Variants in MPDZ observed in about 807,000 individuals in gnomAD.
MPDZ encodes multiple PDZ domain protein.
A neutral mutation model predicts 239.1 loss-of-function variants in MPDZ; 234 were observed. The ratio of observed to expected loss-of-function variants is 0.98; its 90% CI spans 0.88 to 1.09. The LOEUF is 1.09. MPDZ is among the 50% of genes least tolerant of loss of function. The pLI, the probability that MPDZ is intolerant of heterozygous loss-of-function variation, is 0.00. For synonymous variants in MPDZ, 1,048 were observed against 881.3 expected, an observed-to-expected ratio of 1.19 and a Z score of -3.35; for missense variants, 3,175 against 2,510.0, an observed-to-expected ratio of 1.26 and a Z score of -5.66.
chr9:13,122,213 C>T, intron 36 of MPDZ, 43 bp from the exon 37 acceptor site: 1 of 1,553,378 alleles, frequency 6.4e-7, no homozygotes, highest in Non-Finnish European at 8.9e-7. Context: ...TCCCATTCTC[C>T]TAGGAATGGT....
intron 1 of MPDZ, among the ~76,000 whole-genome samples, chr9:13,254,106 G>A (rs1436432255): frequency 5.3e-5 from 8 of 152,132 alleles, no homozygotes; most frequent in Non-Finnish European, 1.0e-4. Flanking sequence ...AATAGACCAT[G>A]CTCTACATAA....
intron 3 of MPDZ, among the ~76,000 whole-genome samples, chr9:13,244,138 T>C (rs140348773): frequency 6.6e-6 from 1 of 152,330 alleles, no homozygotes; most frequent in African/African-American, 2.4e-5. Flanking sequence ...AAAAGATTAA[T>C]TTAGTGCCAC....
At chr9:13,231,519 G>A (rs757422405) in intron 3 of MPDZ, among the ~76,000 whole-genome samples, 2 of 151,934 alleles carry the variant, frequency 1.3e-5, no homozygotes, top group Non-Finnish European at 2.9e-5. Flanking sequence ...GTGAGCCACT[G>A]TACTCCAGCC....
At chr9:13,126,862 C>G in intron 32 of MPDZ, 90 bp from the exon 33 acceptor site, 1 of 1,066,398 alleles carries the variant, frequency 9.4e-7, no homozygotes, top group Non-Finnish European at 1.4e-6. Context: ...ACAACTAAAA[C>G]TCTTCTGAAG....
At chr9:13,157,406 G>A (rs1949955107) in intron 24 of MPDZ, among the ~76,000 whole-genome samples, 1 of 152,044 alleles carries the variant, frequency 6.6e-6, no homozygotes, top group South Asian at 2.1e-4. Context: ...AAAATCATTG[G>A]CTTTAAGTCT....
At chr9:13,254,333 T>G (rs1968877867) in intron 1 of MPDZ, among the ~76,000 whole-genome samples, 1 of 152,214 alleles carries the variant, frequency 6.6e-6, no homozygotes, top group African/African-American at 2.4e-5. Flanking sequence ...AAATCACTTT[T>G]AAAATCCAAG....
chr9:13,159,293 T>C (rs1456433359), intron 23 of MPDZ, among the ~76,000 whole-genome samples: 1 of 152,178 alleles, frequency 6.6e-6, no homozygotes, highest in Non-Finnish European at 1.5e-5. Flanking sequence ...CTCTTTGCTA[T>C]AGGTCCTACC....
At chr9:13,247,494 C>A (rs752139521) in intron 3 of MPDZ, 141 bp downstream of exon 3, 2 of 838,978 alleles carry the variant, frequency 2.4e-6, no homozygotes, top group South Asian at 2.9e-5. Context: ...CACAGTGAAT[C>A]TGAATGTCTC....
intron 12 of MPDZ, among the ~76,000 whole-genome samples, chr9:13,201,699 G>T (rs999492024): frequency 1.3e-5 from 2 of 151,524 alleles, no homozygotes; most frequent in Non-Finnish European, 2.9e-5. Flanking sequence ...GATCAAATTT[G>T]CTTCAATCAA....
At chr9:13,233,674 T>C (rs954634720) in intron 3 of MPDZ, among the ~76,000 whole-genome samples, 23 of 152,170 alleles carry the variant, frequency 1.5e-4, no homozygotes, top group African/African-American at 4.3e-4. Flanking sequence ...AAATAAGACA[T>C]ATAATCAAAG....
intron 3 of MPDZ, among the ~76,000 whole-genome samples, chr9:13,226,039 A>C (rs1233031199): frequency 6.6e-6 from 1 of 152,078 alleles, no homozygotes; most frequent in Non-Finnish European, 1.5e-5. Context: ...GGAACCTCGC[A>C]AATTTGCAGC....
At chr9:13,250,259 T>C (rs368885974) in intron 2 of MPDZ, 41 bp downstream of exon 2, 84 of 1,574,482 alleles carry the variant, frequency 5.3e-5, no homozygotes, top group Non-Finnish European at 6.7e-5. Flanking sequence ...TGGGAGGAGT[T>C]ACAATTCTTA....
intron 40 of MPDZ, among the ~76,000 whole-genome samples, chr9:13,114,629 C>T (rs934066347): frequency 1.2e-4 from 18 of 152,220 alleles, no homozygotes; most frequent in South Asian, 2.1e-4. Context: ...GGGCCAGGTA[C>T]GGTGGCTCAT....
At position 13,115,404 on chromosome 9, in the gene MPDZ, C is replaced by A. The variant is rs533143454; in HGVS notation, c.5380-70G>T. 7.7e-6 allele frequency: 10 copies of A among 1,292,824 alleles called. No homozygotes were observed. The African/African-American group carries it at 1.5e-4, about 19-fold the overall frequency. The allele number at this position is 1,292,824 out of a possible 1,614,324, so 80.1% of individuals were successfully genotyped here. A position where few individuals can be genotyped will look rare whatever the true frequency, so the allele number is the denominator to read the frequency against. ...AATGCTATAATCATCTTTAGGAATACATTTTACTCTTCAAGACTTTTTTGA... is the reference window on the plus strand; with the variant it reads ...AATGCTATAATCATCTTTAGGAATAAATTTTACTCTTCAAGACTTTTTTGA... On this transcript the variant is annotated intron_variant, in intron 39 of 46. Transcript: ENST00000319217.
At chr9:13,134,301 G>C (rs1946429415) in intron 31 of MPDZ, 1 of 152,182 alleles carries the variant, frequency 6.6e-6, no homozygotes, top group Non-Finnish European at 1.5e-5. Context: ...TCTTTACTGT[G>C]TTATTTATCA....
At chr9:13,202,776 C>T (rs2135535369) in intron 12 of MPDZ, among the ~76,000 whole-genome samples, 1 of 152,326 alleles carries the variant, frequency 6.6e-6, no homozygotes, top group Non-Finnish European at 1.5e-5. Flanking sequence ...AAGGGTGCAG[C>T]TCAGCCTAAA....
chr9:13,218,575 TC>T (rs1958658452), intron 8 of MPDZ, among the ~76,000 whole-genome samples: 1 of 151,802 alleles, frequency 6.6e-6, no homozygotes, highest in African/African-American at 2.4e-5. Context: ...CCAAATTCAA[TC>T]CTAAAAACAA....
chr9:13,251,429 C>T (rs1169813626), intron 1 of MPDZ, among the ~76,000 whole-genome samples: 1 of 152,148 alleles, frequency 6.6e-6, no homozygotes, highest in East Asian at 1.9e-4. Context: ...TTGCTAACAT[C>T]CACGTCACTA....
intron 32 of MPDZ, among the ~76,000 whole-genome samples, chr9:13,131,106 G>C (rs1008371164): frequency 6.6e-6 from 1 of 152,148 alleles, no homozygotes; most frequent in African/African-American, 2.4e-5. Context: ...ATATAGGATA[G>C]TAAAAATGAC....
Sources: gnomAD v4.1 joint callset for allele counts (sites outside exome capture counted in the v4.1 genomes callset) on GRCh38, gnomAD v4.1.1 for gene constraint, MANE v1.5 for transcripts, NCBI Gene and HGNC (gene_info 2026-07-23, HGNC 2026-07-21) for gene names.